NELL1: variants seen among roughly 807,000 people sequenced by gnomAD.
NELL1 encodes the protein protein kinase C-binding protein NELL1.
NELL1 carries 76 observed loss-of-function variants against 107.4 expected under a neutral mutation model. That is an observed-to-expected ratio of 0.71 (90% CI 0.59 to 0.86). The LOEUF (loss-of-function observed/expected upper bound fraction) is 0.86. Ranked by LOEUF, NELL1 falls within the 40% of genes least tolerant of loss-of-function variation. The pLI is 0.00. For synonymous variants in NELL1, 353 were observed against 341.2 expected, an observed-to-expected ratio of 1.03 and a Z score of -0.38; for missense variants, 1,024 against 1,005.5, an observed-to-expected ratio of 1.02 and a Z score of -0.25.
intron 15 of NELL1, among the ~76,000 whole-genome samples, chr11:21,421,375 T>A (rs1249714993): frequency 1.3e-5 from 2 of 152,172 alleles, no homozygotes; most frequent in Middle Eastern, 3.4e-3. Context: ...TATCTGGAGG[T>A]AGCAACCCAT....
chr11:21,436,560 G>C (rs1467888649), intron 15 of NELL1, among the ~76,000 whole-genome samples: 2 of 151,546 alleles, frequency 1.3e-5, no homozygotes, highest in African/African-American at 4.9e-5. Flanking sequence ...CTAATGATTT[G>C]TCAAATTTAT....
At chr11:21,348,822 T>C (rs1850740549) in intron 14 of NELL1, among the ~76,000 whole-genome samples, 1 of 152,166 alleles carries the variant, frequency 6.6e-6, no homozygotes, top group Non-Finnish European at 1.5e-5. Context: ...TCATGTGAAA[T>C]ACTAGGAAAC....
intron 2 of NELL1, among the ~76,000 whole-genome samples, chr11:20,692,269 T>TC (rs1484413797): frequency 6.6e-6 from 1 of 152,066 alleles, no homozygotes; most frequent in Non-Finnish European, 1.5e-5. Flanking sequence ...AAGGGTTTTT[T>TC]TTTGTCTCTA....
intron 2 of NELL1, among the ~76,000 whole-genome samples, chr11:20,707,894 T>C (rs10833383): frequency 0.45 from 67,760 of 152,140 alleles, 16,757 homozygotes; most frequent in Middle Eastern, 0.61. Flanking sequence ...GACGTTTAAG[T>C]CTGCAGAACT....
intron 12 of NELL1, among the ~76,000 whole-genome samples, chr11:21,062,881 G>T (rs549763779): frequency 1.3e-5 from 2 of 152,206 alleles, no homozygotes; most frequent in East Asian, 3.9e-4. Flanking sequence ...AGACTGGGGT[G>T]CATTGGCACA....
rs113659801 is a variant in NELL1 at position 21,052,684 on chromosome 11, G to C, written c.1301-60905G>C. Among the ~76,000 whole-genome samples the C allele has an allele frequency of 7.7e-3, 1,169 of 152,214 alleles. 14 individuals carry two copies. Among genetic ancestry groups the C allele is most frequent in the African/African-American group, 0.027 (1,113 of 41,546 alleles). On this transcript the variant is annotated intron_variant, in intron 12 of 19. Coordinates refer to ENST00000357134, the MANE Select transcript of NELL1 (RefSeq NM_006157.5). ...GTGGGCGAGAGGACTGGTGCATTTA[G>C]TTTGGTCACTGATGAGGTTGCTGAG... is the stretch of plus-strand genomic sequence containing the variant.
At chr11:21,484,172 T>G (rs186299066) in intron 15 of NELL1, among the ~76,000 whole-genome samples, 1 of 151,048 alleles carries the variant, frequency 6.6e-6, no homozygotes, top group Non-Finnish European at 1.5e-5. Context: ...TTCCATAGTT[T>G]TTGTTTTATA....
chr11:21,563,342 GT>G (rs1856895077), intron 17 of NELL1, among the ~76,000 whole-genome samples: 1 of 151,938 alleles, frequency 6.6e-6, no homozygotes, highest in Non-Finnish European at 1.5e-5. Context: ...GAGTAGTTGT[GT>G]TTATGTTGCA....
chr11:21,104,375 A>G (rs1409456979), intron 12 of NELL1, among the ~76,000 whole-genome samples: 1 of 152,244 alleles, frequency 6.6e-6, no homozygotes, highest in Non-Finnish European at 1.5e-5. Flanking sequence ...AGTGCCAGCT[A>G]GAAATTCGTA....
At chr11:20,893,607 T>C (rs1849663351) in intron 5 of NELL1, among the ~76,000 whole-genome samples, 1 of 151,378 alleles carries the variant, frequency 6.6e-6, no homozygotes, top group African/African-American at 2.4e-5. Flanking sequence ...CTCTGACATT[T>C]AAGTATAAGA....
intron 12 of NELL1, among the ~76,000 whole-genome samples, chr11:20,975,748 AATATACATATTATATATGTATTATATG>A (rs1446561411): frequency 0.017 from 1,583 of 92,266 alleles, 39 homozygotes; most frequent in African/African-American, 0.054. Context: ...TGTATTATAT[AATATACATATTATATATGTATTATATG>A]ATATACATAT....
At chr11:20,739,028 A>C (rs1855826629) in intron 2 of NELL1, among the ~76,000 whole-genome samples, 1 of 152,216 alleles carries the variant, frequency 6.6e-6, no homozygotes, top group African/African-American at 2.4e-5. Flanking sequence ...TGGCTATTTA[A>C]ATTTAAATTG....
At chr11:21,479,920 C>T (rs906634148) in intron 15 of NELL1, among the ~76,000 whole-genome samples, 4 of 151,898 alleles carry the variant, frequency 2.6e-5, no homozygotes, top group Admixed American at 1.3e-4. Flanking sequence ...TTTTTTTCCT[C>T]GAGATAAACA....
chr11:21,493,406 A>G (rs1854884277), intron 15 of NELL1, among the ~76,000 whole-genome samples: 1 of 152,170 alleles, frequency 6.6e-6, no homozygotes, highest in African/African-American at 2.4e-5. Context: ...ATTTCTCCAT[A>G]GAAAAGAATG....
At chr11:21,445,802 T>C (rs1372488098) in intron 15 of NELL1, among the ~76,000 whole-genome samples, 1 of 152,244 alleles carries the variant, frequency 6.6e-6, no homozygotes, top group Admixed American at 6.5e-5. Flanking sequence ...GTTTAAAGGA[T>C]ATTTTTGCAG....
chr11:21,346,181 C>T (rs1051952944), intron 14 of NELL1, among the ~76,000 whole-genome samples: 2 of 152,148 alleles, frequency 1.3e-5, no homozygotes, highest in Non-Finnish European at 2.9e-5. Flanking sequence ...TCCTCTGTCT[C>T]TCTCCTCTTT....
chr11:21,450,625 T>G (rs1853553764), intron 15 of NELL1, among the ~76,000 whole-genome samples: 1 of 152,198 alleles, frequency 6.6e-6, no homozygotes, highest in African/African-American at 2.4e-5. Context: ...AAAGTTATTG[T>G]ACATACAGAT....
chr11:21,375,494 G>A (rs1851453388), intron 15 of NELL1, among the ~76,000 whole-genome samples: 1 of 152,114 alleles, frequency 6.6e-6, no homozygotes, highest in South Asian at 2.1e-4. Context: ...AATGTCTACT[G>A]TGAATAGTGC....
intron 12 of NELL1, among the ~76,000 whole-genome samples, chr11:20,984,451 T>C (rs1394866428): frequency 6.6e-6 from 1 of 152,184 alleles, no homozygotes; most frequent in Non-Finnish European, 1.5e-5. Context: ...TTCTACTGCA[T>C]AGGTTGGAAT....
Sources: gnomAD v4.1 joint callset for allele counts (sites outside exome capture counted in the v4.1 genomes callset) on GRCh38, gnomAD v4.1.1 for gene constraint, MANE v1.5 for transcripts, NCBI Gene and HGNC (gene_info 2026-07-23, HGNC 2026-07-21) for gene names.